CYP21A2: variants seen among roughly 807,000 people sequenced by gnomAD.
The protein encoded by CYP21A2 is cytochrome P450 family 21 subfamily A member 2.
CYP21A2 carries 24 observed loss-of-function variants against 47.4 expected under a neutral mutation model. The ratio of observed to expected loss-of-function variants is 0.51; its 90% CI spans 0.37 to 0.71. The LOEUF (loss-of-function observed/expected upper bound fraction) is 0.71. CYP21A2 is among the 30% of genes least tolerant of loss of function. The probability of loss-of-function intolerance (pLI) is 0.00; values close to 1 mark genes in which losing one functional copy is unlikely to be tolerated. For missense variants in CYP21A2, 358 were observed against 643.2 expected (o/e 0.56, Z 4.80); for synonymous variants, 130 against 273.9 (o/e 0.47, Z 5.19).
rs6473 is a variant in CYP21A2, at chr6:32,041,127, G to C, written c.1481G>C (p.Ser494Thr). Residue 494 changes from serine (S) to threonine (T), a missense_variant, in exon 10 of 10, where the codon AGC (serine) becomes ACC (threonine). By Grantham distance (58) the Ser-to-Thr change is moderately conservative. Transcript: ENST00000644719. The stretch of plus-strand genomic sequence containing the variant: ...ATGGGGGCCCACAGCCCGGGCCAGA[G>C]CCAGTGATGGGGCAGGACCGATGCC... The part of the protein sequence containing the change: ...RGMGAHSPGQ[S>T]Q The C allele has an allele frequency of 8.9e-6, 14 of 1,567,046 alleles. No homozygotes were observed. Among genetic ancestry groups the C allele is most frequent in the African/African-American group, 6.8e-5 (5 of 73,022 alleles).
At position 32,040,033 on chromosome 6, in the gene CYP21A2, A is replaced by G. The variant is rs1383840133; in HGVS notation, c.767A>G (p.Asp256Gly). ...KESLVAGQWR[D>G]MMDYMLQGVA... ...AGCCTCGTGGCAGGCCAGTGGAGGG[A>G]CATGATGGACTACATGCTCCAAGGG... Residue 256 changes from aspartate (D) to glycine (G), a missense_variant, in exon 7 of 10, where the codon GAC (aspartate) becomes GGC (glycine). Coordinates refer to ENST00000644719, the MANE Select transcript of CYP21A2 (RefSeq NM_000500.9). 2 of 1,612,394 alleles carry G rather than the reference A, an allele frequency of 1.2e-6. No homozygotes were observed. The highest frequency in any genetic ancestry group is 1.7e-6 in the Non-Finnish European group (2 of 1,179,762).
chr6:32,038,977 A>G, intron 2 of CYP21A2, 117 bp from the exon 3 acceptor site: 2 of 1,531,546 alleles, frequency 1.3e-6, no homozygotes, highest in Non-Finnish European at 1.8e-6. Context: ...GGTCCCTGGA[A>G]GCTCTTGGGG....
chr6:32,041,598 T>G lies in CYP21A2; in HGVS notation c.*464T>G. The G allele has an allele frequency of 9.3e-7, 1 of 1,079,956 alleles. No individual in the cohort carries two copies. 66.9% of individuals were successfully genotyped at this position (1,079,956 alleles called of 1,614,324 possible). On this transcript the variant is annotated 3_prime_UTR_variant, in exon 10 of 10. Transcript: ENST00000644719. Reference sequence around the variant, plus strand: ...CCGCTGCAGAGGATTGAGGCTTAATTCTGAGCTGGCCCTTTCCAGCCAATA... The same window carrying G: ...CCGCTGCAGAGGATTGAGGCTTAATGCTGAGCTGGCCCTTTCCAGCCAATA...
rs766182636 is a variant in CYP21A2, at chr6:32,038,415, G to A, written c.-8G>A. 284 of 1,552,502 alleles carry A rather than the reference G, an allele frequency of 1.8e-4. No individual in the cohort carries two copies. Among genetic ancestry groups the A allele is most frequent in the East Asian group, 5.5e-4 (23 of 41,474 alleles). ...GTGGCACCTCAGGGCCCTGACGGGCGTCTCGCCATGCTGCTCCTGGGCCTG... is the reference window on the plus strand; with the variant it reads ...GTGGCACCTCAGGGCCCTGACGGGCATCTCGCCATGCTGCTCCTGGGCCTG... On this transcript the variant is annotated 5_prime_UTR_variant, in exon 1 of 10. Transcript: ENST00000644719.
chr6:32,040,317 C>T, intron 7 of CYP21A2, 89 bp from the exon 8 acceptor site: 1 of 1,610,602 alleles, frequency 6.2e-7, no homozygotes, highest in Non-Finnish European at 8.5e-7. Context: ...GCCTCACCGG[C>T]ACTCAGGCTC....
Position 32,039,745 on chromosome 6 carries a change from G to A in CYP21A2, c.652-4G>A, listed in dbSNP as rs373648076. 61 of 1,608,106 alleles carry A rather than the reference G, an allele frequency of 3.8e-5. No individual in the cohort carries two copies. The highest frequency in any genetic ancestry group is 4.4e-5 in the Non-Finnish European group (52 of 1,177,446). On this transcript the variant is annotated splice_polypyrimidine_tract_variant and splice_region_variant and intron_variant, in intron 5 of 9. Transcript: ENST00000644719. ...CAGCTGCATTCTCATGCTTCCTGCC[G>A]CAGTTCTTCCCCAATCCAGGTCTCC... is the stretch of plus-strand genomic sequence containing the variant.
Position 32,041,010 on chromosome 6 carries a change from C to T in CYP21A2, c.1364C>T (p.Ser455Phe), listed in dbSNP as rs1776309967. ...RLLQAFTLLP[S>F]GDALPSLQPL... ...CTGCAGGCCTTCACGCTGCTGCCCT[C>T]CGGGGACGCCCTGCCCTCCCTGCAG... The change falls in exon 10 of 10, where the codon TCC (serine) becomes TTC (phenylalanine). Residue 455 changes from serine (S) to phenylalanine (F), a missense_variant. Transcript: ENST00000644719. 1 of 1,217,216 alleles carries T rather than the reference C, an allele frequency of 8.2e-7. No homozygotes were observed. Among genetic ancestry groups the T allele is most frequent in the African/African-American group, 1.4e-5 (1 of 69,828 alleles). 75.4% of individuals were successfully genotyped at this position (1,217,216 alleles called of 1,614,324 possible). A position where few individuals can be genotyped will look rare whatever the true frequency, so the allele number is the denominator to read the frequency against.
At chr6:32,038,849 T>G in intron 2 of CYP21A2, 38 bp downstream of exon 2, 2 of 1,455,030 alleles carry the variant, frequency 1.4e-6, no homozygotes, top group Non-Finnish European at 9.6e-7. Context: ...TTAAAAAAAT[T>G]TTTTTTTAAG....
rs548446169 is a variant in CYP21A2 at position 32,040,484 on chromosome 6, C to A, written c.1018C>A (p.Arg340Ser). Residue 340 changes from arginine (R) to serine (S), a missense_variant, in exon 8 of 10, where the codon CGT (arginine) becomes AGT (serine). Arg to Ser is a moderately radical substitution (Grantham distance 110). Transcript: ENST00000644719. Reference protein sequence around the residue: ...ASSSRVPYKDRARLPLLNATI... With the variant: ...ASSSRVPYKDSARLPLLNATI... Reference sequence around the variant, plus strand: ...CAGCTCCCGGGTCCCCTACAAGGACCGTGCACGGCTGCCCTTGCTCAATGC... The same window carrying A: ...CAGCTCCCGGGTCCCCTACAAGGACAGTGCACGGCTGCCCTTGCTCAATGC... The A allele has an allele frequency of 1.2e-6, 2 of 1,613,222 alleles. No individual in the cohort carries two copies. Among genetic ancestry groups the A allele is most frequent in the African/African-American group, 2.7e-5 (2 of 74,946 alleles).
chr6:32,039,028 G>A (rs747712241), intron 2 of CYP21A2, 66 bp from the exon 3 acceptor site: 18 of 1,560,098 alleles, frequency 1.2e-5, no homozygotes, highest in South Asian at 2.4e-5. Context: ...TGGGGAGGCC[G>A]AAGAAGGTCA....
Position 32,039,636 on chromosome 6 carries a change from C to T in CYP21A2, c.640C>T (p.Pro214Ser). The stretch of plus-strand genomic sequence containing the variant: ...GTCCATCCAAATTGTGGACGTGATT[C>T]CCTTTCTCAGGGTGAGGACCTGGAG... ...HWSIQIVDVI[P>S]FLRFFPNPGL... The change falls in exon 5 of 10, where the codon CCC becomes TCC. Residue 214 changes from proline (P) to serine (S), a missense_variant. Coordinates refer to ENST00000644719, the MANE Select transcript of CYP21A2 (RefSeq NM_000500.9). 6.4e-7 allele frequency: 1 copy of T among 1,562,506 alleles called. No individual in the cohort carries two copies. The highest frequency in any genetic ancestry group is 8.7e-7 in the Non-Finnish European group (1 of 1,152,164).
At position 32,039,453 on chromosome 6, in the gene CYP21A2, T is replaced by C. The variant is rs1191076481; in HGVS notation, c.545T>C (p.Ile182Thr). The C allele has an allele frequency of 6.2e-7, 1 of 1,606,530 alleles. No individual in the cohort carries two copies. The highest frequency in any genetic ancestry group is 8.5e-7 in the Non-Finnish European group (1 of 1,176,234). The change falls in exon 4 of 10, where the codon ATC (isoleucine) becomes ACC (threonine). Residue 182 changes from isoleucine to threonine, a missense_variant. Coordinates refer to ENST00000644719, the MANE Select transcript of CYP21A2 (RefSeq NM_000500.9). ...IICYLTFGDK[I>T]KDDNLMPAYY... Reference sequence around the variant, plus strand: ...TGTTACCTCACCTTCGGAGACAAGATCAAGGTGCCTCACAGCCCCTCAGGC... The same window carrying C: ...TGTTACCTCACCTTCGGAGACAAGACCAAGGTGCCTCACAGCCCCTCAGGC...
Position 32,039,599 on chromosome 6 carries a change from C to A in CYP21A2, c.603C>A (p.Thr201=), listed in dbSNP as rs1336572719. The A allele has an allele frequency of 1.9e-6, 3 of 1,571,708 alleles. No individual in the cohort carries two copies. The highest frequency in any genetic ancestry group is 2.6e-6 in the Non-Finnish European group (3 of 1,156,786). The change falls in exon 5 of 10, where the codon ACC becomes ACA. Residue 201 remains threonine (T), a synonymous_variant. Coordinates refer to ENST00000644719, the MANE Select transcript of CYP21A2 (RefSeq NM_000500.9). ...YYKCIQEVLK[T]WSHWSIQIVD... ...AATGTATCCAGGAGGTGTTAAAAAC[C>A]TGGAGCCACTGGTCCATCCAAATTG...
In CYP21A2 at chr6:32,039,567, T is replaced by C. The variant is rs768524764; in HGVS notation, c.571T>C (p.Tyr191His). 6.3e-7 allele frequency: 1 copy of C among 1,582,304 alleles called. No individual in the cohort carries two copies. Among genetic ancestry groups the C allele is most frequent in the Non-Finnish European group, 8.6e-7 (1 of 1,162,704 alleles). ...GCAGGACGACAACTTAATGCCTGCC[T>C]ATTACAAATGTATCCAGGAGGTGTT... is the stretch of plus-strand genomic sequence containing the variant. ...KIKDDNLMPA[Y>H]YKCIQEVLKT... Residue 191 changes from tyrosine (Y) to histidine (H), a missense_variant, in exon 5 of 10, where the codon TAT becomes CAT. By Grantham distance (83) the Tyr-to-His change is moderately conservative. Transcript: ENST00000644719.
At chr6:32,039,327 C>T in intron 3 of CYP21A2, 29 bp from the exon 4 acceptor site, 1 of 1,594,254 alleles carries the variant, frequency 6.3e-7, no homozygotes, top group Non-Finnish European at 8.5e-7. Flanking sequence ...TGCACAGCGG[C>T]CTGCTGAACT....
Position 32,041,482 on chromosome 6 carries a change from G to T in CYP21A2, c.*348G>T. On this transcript the variant is annotated 3_prime_UTR_variant, in exon 10 of 10. Coordinates refer to ENST00000644719, the MANE Select transcript of CYP21A2 (RefSeq NM_000500.9). The stretch of plus-strand genomic sequence containing the variant: ...AAGGGGTTGTCAAGAGAGAGTCAAA[G>T]CCGGATGTCCCATCTGCTCTTCCCG... 2 of 1,144,316 alleles carry T rather than the reference G, an allele frequency of 1.7e-6. No individual in the cohort carries two copies. The highest frequency in any genetic ancestry group is 2.6e-6 in the Non-Finnish European group (2 of 781,850). The allele number at this position is 1,144,316 out of a possible 1,614,324, so 70.9% of individuals were successfully genotyped here. A position where few individuals can be genotyped will look rare whatever the true frequency, so the allele number is the denominator to read the frequency against.
chr6:32,041,572 T>C lies in CYP21A2; in HGVS notation c.*438T>C, dbSNP rs1173479871. The C allele has an allele frequency of 1.9e-6, 2 of 1,057,966 alleles. No homozygotes were observed. Among genetic ancestry groups the C allele is most frequent in the Non-Finnish European group, 1.4e-6 (1 of 704,730 alleles). 65.5% of individuals were successfully genotyped at this position (1,057,966 alleles called of 1,614,324 possible). A position where few individuals can be genotyped will look rare whatever the true frequency, so the allele number is the denominator to read the frequency against. On this transcript the variant is annotated 3_prime_UTR_variant, in exon 10 of 10. Coordinates refer to ENST00000644719, the MANE Select transcript of CYP21A2 (RefSeq NM_000500.9). ...CCCCGCAGAGCTCCCTTCCTGACCC[T>C]CCGCTGCAGAGGATTGAGGCTTAAT...
Position 32,038,631 on chromosome 6 carries a change from G to A in CYP21A2, c.202+7G>A, listed in dbSNP as rs1378992783. The stretch of plus-strand genomic sequence containing the variant: ...CTCCACCTTGGGCTGCAAGGTGAGA[G>A]GCTGATCTCGCTCTGGCCCTCACCA... On this transcript the variant is annotated splice_region_variant and intron_variant, in intron 1 of 9. Transcript: ENST00000644719. 1.9e-6 allele frequency: 3 copies of A among 1,581,106 alleles called. No individual in the cohort carries two copies. The highest frequency in any genetic ancestry group is 2.3e-5 in the East Asian group (1 of 43,332).
chr6:32,039,974 C>A (rs1295722978), intron 6 of CYP21A2, 31 bp from the exon 7 acceptor site: 2 of 1,611,324 alleles, frequency 1.2e-6, no homozygotes. Flanking sequence ...CCCAGGCCAG[C>A]CGCTCAGCCC....
Sources: gnomAD v4.1 joint callset for allele counts on GRCh38, gnomAD v4.1.1 for gene constraint, MANE v1.5 for transcripts, NCBI Gene and HGNC (gene_info 2026-07-23, HGNC 2026-07-21) for gene names.